The following TIMM44 variants were observed in gnomAD, a reference collection of about 807,000 sequenced individuals.
TIMM44 encodes the protein mitochondrial import inner membrane translocase subunit TIM44.
TIMM44 carries 37 observed loss-of-function variants against 63.8 expected under a neutral mutation model. The observed-to-expected ratio is 0.58, with a 90% CI of 0.45 to 0.76. The LOEUF is 0.76. TIMM44 is among the 30% of genes least tolerant of loss of function. The pLI, the probability that TIMM44 is intolerant of heterozygous loss-of-function variation, is 0.00. For synonymous variants in TIMM44, 239 were observed against 245.1 expected (o/e 0.98, Z 0.23); for missense variants, 573 against 603.8 (o/e 0.95, Z 0.54).
rs201783824 is a variant in TIMM44 at position 7,935,015 on chromosome 19, C to T, written c.393+50G>A. 9 of 1,551,154 alleles carry T rather than the reference C, an allele frequency of 5.8e-6. No homozygotes were observed. In the African/African-American group the frequency reaches 9.6e-5, roughly 17 times the overall value. ...GACTCTTCCTCCAGCCTCCAGCGGC[C>T]AGGGGACTTTGATGGCCCCAGCGGC... On this transcript the variant is annotated intron_variant, in intron 4 of 12. Transcript: ENST00000270538.
Position 7,934,561 on chromosome 19 carries a change from T to C in TIMM44, c.394-323A>G, listed in dbSNP as rs1435345295. ...CCTGGGCTCTGGGTGAGACGCTGGG[T>C]CTGCTGGCCCCTTTCCAAAATGGGC... On this transcript the variant is annotated intron_variant, in intron 4 of 12. Transcript: ENST00000270538. The surrounding 1 kb of genome is among the most constrained non-coding windows in gnomAD (Gnocchi z 5.3). Among the ~76,000 whole-genome samples, 2 of 152,066 alleles carry C rather than the reference T, an allele frequency of 1.3e-5. No homozygotes were observed. Among genetic ancestry groups the C allele is most frequent in the Non-Finnish European group, 2.9e-5 (2 of 68,016 alleles).
In TIMM44 at chr19:7,943,647, G is replaced by A; in HGVS notation, c.5C>T (p.Ala2Val). Residue 2 changes from alanine to valine, a missense_variant, in exon 1 of 13, where the codon GCG becomes GTG. By Grantham distance (64) the Ala-to-Val change is moderately conservative. Transcript: ENST00000270538. This position sits in a 1 kb window ranked among gnomAD's most constrained non-coding sequence, Gnocchi z 4.3. ...CCAGCCACTCCGCAGGGCCGCCGCC[G>A]CCATGTTGGAGAATCGTGTGACCTT... M[A>V]AAALRSGWCR... 1.9e-6 allele frequency: 3 copies of A among 1,566,074 alleles called. No individual in the cohort carries two copies. Among genetic ancestry groups the A allele is most frequent in the East Asian group, 2.4e-5 (1 of 42,496 alleles).
rs1984034780 is a variant in TIMM44 at position 7,933,083 on chromosome 19, T to C, written c.770-151A>G. 5.6e-6 allele frequency: 4 copies of C among 718,032 alleles called. No individual in the cohort carries two copies. The highest frequency in any genetic ancestry group is 3.0e-5 in the South Asian group (2 of 66,168). The allele number at this position is 718,032 out of a possible 1,614,324, so 44.5% of individuals were successfully genotyped here. On this transcript the variant is annotated intron_variant, in intron 7 of 12. Transcript: ENST00000270538. The surrounding 1 kb of genome is among the most constrained non-coding windows in gnomAD (Gnocchi z 4.3). ...GGACGGCTGTGGACCTGCATCCTCA[T>C]CTGTGCTTGGGGACCGCTGCCTGCC...
intron 10 of TIMM44, chr19:7,929,037 T>C (rs1983901630): frequency 6.6e-6 from 1 of 152,188 alleles, no homozygotes; most frequent in Admixed American, 6.5e-5. Context: ...TCCTCTGCTT[T>C]TTCCAAGTTG....
At chr19:7,929,873 C>G (rs1300904770) in intron 10 of TIMM44, among the ~76,000 whole-genome samples, 5 of 152,240 alleles carry the variant, frequency 3.3e-5, no homozygotes, top group African/African-American at 1.2e-4. Flanking sequence ...TTTTTTAAGA[C>G]AGTCTCGCTC....
chr19:7,941,440 A>T (rs1224732443), intron 1 of TIMM44, among the ~76,000 whole-genome samples: 1 of 151,828 alleles, frequency 6.6e-6, no homozygotes, highest in Admixed American at 6.6e-5. Flanking sequence ...GGTATGCGCC[A>T]TCACATCCGG....
At chr19:7,930,440 C>G (rs918108312) in intron 10 of TIMM44, among the ~76,000 whole-genome samples, 2 of 151,718 alleles carry the variant, frequency 1.3e-5, no homozygotes, top group East Asian at 1.9e-4. Flanking sequence ...TCCCCAGTAG[C>G]TGGGATTACA....
intron 10 of TIMM44, 36 bp from the exon 11 acceptor site, chr19:7,928,202 C>G (rs373618431): frequency 6.4e-7 from 1 of 1,574,740 alleles, no homozygotes; most frequent in African/African-American, 1.3e-5. Context: ...CGTGATGCCA[C>G]CCAGGGTGGG....
chr19:7,933,581 G>A lies in TIMM44; in HGVS notation c.684-11C>T, dbSNP rs1040731738. 2.6e-5 allele frequency: 42 copies of A among 1,612,916 alleles called. No homozygotes were observed. Among genetic ancestry groups the A allele is most frequent in the Non-Finnish European group, 3.5e-5 (41 of 1,179,036 alleles). On this transcript the variant is annotated splice_polypyrimidine_tract_variant and intron_variant, in intron 6 of 12. Coordinates refer to ENST00000270538, the MANE Select transcript of TIMM44 (RefSeq NM_006351.4). This position sits in a 1 kb window ranked among gnomAD's most constrained non-coding sequence, Gnocchi z 4.3. ...ACCCCCAGGGCCTCCCTGGGGAAGAGGGTGGGCCCTGGGGTGAGCGGCGGC... is the reference window on the plus strand; with the variant it reads ...ACCCCCAGGGCCTCCCTGGGGAAGAAGGTGGGCCCTGGGGTGAGCGGCGGC...
chr19:7,941,177 G>T lies in TIMM44; in HGVS notation c.66C>A (p.Ile22=). 1 of 1,614,110 alleles carries T rather than the reference G, an allele frequency of 6.2e-7. No homozygotes were observed. The change falls in exon 2 of 13, where the codon ATC becomes ATA. Residue 22 remains isoleucine (I), a synonymous_variant. Coordinates refer to ENST00000270538, the MANE Select transcript of TIMM44 (RefSeq NM_006351.4). ...GTAGGTTGTGGCTGGAAAGAAATTG[G>T]ATTCCACTGCCGAGGCATCTCTAAT... The part of the protein sequence containing the change: ...RCPRRCLGSG[I]QFLSSHNLPH...
intron 9 of TIMM44, 89 bp from the exon 10 acceptor site, chr19:7,931,277 G>A (rs1372543450): frequency 7.9e-7 from 1 of 1,266,874 alleles, no homozygotes; most frequent in Non-Finnish European, 1.2e-6. Flanking sequence ...AGTGGTGCGG[G>A]GTGGGGAGTT....
At chr19:7,937,990 C>A in intron 3 of TIMM44, 37 bp downstream of exon 3, 1 of 1,612,884 alleles carries the variant, frequency 6.2e-7, no homozygotes, top group Non-Finnish European at 8.5e-7. Flanking sequence ...TACTCTCCAG[C>A]CTGGGTGAGG....
rs34491552 is a variant in TIMM44, at chr19:7,927,364, T to TG, written c.1240-59dup. 2,443 of 1,508,608 alleles carry TG rather than the reference T, an allele frequency of 1.6e-3. 5 individuals carry two copies. In the East Asian group the frequency reaches 0.021, roughly 13 times the overall value. 93.5% of individuals were successfully genotyped at this position (1,508,608 alleles called of 1,614,324 possible). Reference sequence around the variant, plus strand: ...AGGGTTGAGGTGACCCAGGCAGCTCTGGGGGGGGGCCAGGCTCTGTGGGGC... The same window carrying TG: ...AGGGTTGAGGTGACCCAGGCAGCTCTGGGGGGGGGGCCAGGCTCTGTGGGGC... On this transcript the variant is annotated intron_variant, in intron 12 of 12. Transcript: ENST00000270538.
chr19:7,932,531 AGTTCCCTGGCAGCACCCAGG>A, intron 9 of TIMM44, 76 bp downstream of exon 9: 1 of 1,543,974 alleles, frequency 6.5e-7, no homozygotes, highest in Non-Finnish European at 8.9e-7. Context: ...TCGGCAGCAG[AGTTCCCTGGCAGCACCCAGG>A]GTGCCGGCTG....
intron 9 of TIMM44, chr19:7,931,772 G>T (rs1360718342): frequency 6.2e-6 from 1 of 160,596 alleles, no homozygotes; most frequent in African/African-American, 2.4e-5. Context: ...GAGCGGGAAG[G>T]AGCCGGATGC....
rs1268072524 is a variant in TIMM44 at position 7,927,113 on chromosome 19, G to A, written c.*74C>T. 1.9e-6 allele frequency: 3 copies of A among 1,540,544 alleles called. No individual in the cohort carries two copies. The East Asian group carries it at 7.3e-5, about 37-fold the overall frequency. ...GCAGTCTTGTTCCCAGAGGTCTGGA[G>A]TTGCCGCAGGTGGTGTTGCGGTGCC... On this transcript the variant is annotated 3_prime_UTR_variant, in exon 13 of 13. Coordinates refer to ENST00000270538, the MANE Select transcript of TIMM44 (RefSeq NM_006351.4).
chr19:7,935,781 GCCA>G (rs1984137275), intron 3 of TIMM44, among the ~76,000 whole-genome samples: 1 of 151,940 alleles, frequency 6.6e-6, no homozygotes, highest in South Asian at 2.1e-4. Context: ...CCAGCCTCCA[GCCA>G]CCACAGCTTG....
chr19:7,935,307 A>T, intron 3 of TIMM44, 162 bp from the exon 4 acceptor site: 7 of 655,936 alleles, frequency 1.1e-5, no homozygotes, highest in Admixed American at 5.2e-5. Context: ...CTGGGACTAC[A>T]GGGCCCACCA....
At position 7,933,366 on chromosome 19, in the gene TIMM44, G is replaced by A; in HGVS notation, c.769+119C>T. On this transcript the variant is annotated intron_variant, in intron 7 of 12. Coordinates refer to ENST00000270538, the MANE Select transcript of TIMM44 (RefSeq NM_006351.4). The surrounding 1 kb of genome is among the most constrained non-coding windows in gnomAD (Gnocchi z 4.3). ...CGCAAAGAAGTGACCGGCCCACTCT[G>A]ACCCCGATCTCCTCCTCTGCAAAAC... The A allele has an allele frequency of 1.1e-6, 1 of 922,038 alleles. No individual in the cohort carries two copies. The highest frequency in any genetic ancestry group is 1.8e-6 in the Non-Finnish European group (1 of 548,254). The allele number at this position is 922,038 out of a possible 1,614,324, so 57.1% of individuals were successfully genotyped here.
Sources: gnomAD v4.1 joint callset for allele counts (sites outside exome capture counted in the v4.1 genomes callset) on GRCh38, gnomAD v4.1.1 for gene constraint, Gnocchi (gnomAD v3.1) non-coding constraint, MANE v1.5 for transcripts, NCBI Gene and HGNC (gene_info 2026-07-23, HGNC 2026-07-21) for gene names.